The following TTC34 variants were observed in gnomAD, a reference collection of about 807,000 sequenced individuals.
TTC34 encodes tetratricopeptide repeat domain 34.
In TTC34, 44 loss-of-function variants were observed where a neutral mutation model predicts 40.7. The observed-to-expected ratio is 1.08, with a 90% CI of 0.85 to 1.39. TTC34 has a LOEUF of 1.39. Ranked by LOEUF, TTC34 falls within the 40% of genes most tolerant of loss-of-function variation. The pLI is 0.00. For missense variants in TTC34, 884 were observed against 838.0 expected (o/e 1.05, Z -0.68); for synonymous variants, 422 against 398.6 (o/e 1.06, Z -0.70).
chr1:2,683,636 C>A (rs1640183949), intron 6 of TTC34, among the ~76,000 whole-genome samples: 2 of 150,030 alleles, frequency 1.3e-5, no homozygotes, highest in Admixed American at 6.6e-5. Context: ...CCCACACCCC[C>A]AGGTGAGCAT....
intron 6 of TTC34, among the ~76,000 whole-genome samples, chr1:2,685,836 C>T (rs1570812213): frequency 7.4e-6 from 1 of 135,828 alleles, no homozygotes; most frequent in Admixed American, 7.6e-5. Flanking sequence ...ACGGCACCCC[C>T]ATGCCCAGGT....
intron 6 of TTC34, among the ~76,000 whole-genome samples, chr1:2,698,802 C>T (rs544509939): frequency 1.1e-4 from 17 of 148,870 alleles, no homozygotes; most frequent in Admixed American, 2.0e-4. Context: ...GGAGCAGCAC[C>T]CCACACCCAC....
At chr1:2,792,152 C>A (rs546441980) in intron 2 of TTC34, among the ~76,000 whole-genome samples, 1 of 151,534 alleles carries the variant, frequency 6.6e-6, no homozygotes, top group East Asian at 1.9e-4. Flanking sequence ...GCATGCACCA[C>A]CATACCCAGC....
At chr1:2,684,419 T>A (rs1640223443) in intron 6 of TTC34, among the ~76,000 whole-genome samples, 3 of 148,038 alleles carry the variant, frequency 2.0e-5, no homozygotes, top group Admixed American at 1.3e-4. Context: ...TCTGACAGAC[T>A]GGAACACCAC....
At chr1:2,753,519 C>A (rs1181242351) in intron 6 of TTC34, among the ~76,000 whole-genome samples, 1 of 85,712 alleles carries the variant, frequency 1.2e-5, no homozygotes, top group Non-Finnish European at 2.1e-5. Context: ...ATCGGACGGC[C>A]TGCAACAGCA....
chr1:2,644,388 T>C lies in TTC34; in HGVS notation c.2588A>G (p.Gln863Arg), dbSNP rs190456333. ...CCCTGGCACGTCTCCCTTCTTGAGC[T>C]GGAGCAGGCCCAGCCGGGCCCGGGC... Residue 863 changes from glutamine (Q) to arginine (R), a missense_variant, in exon 8 of 9, where the codon CAG becomes CGG. Transcript: ENST00000401095. 5.2e-6 allele frequency: 8 copies of C among 1,536,004 alleles called. No individual in the cohort carries two copies. The East Asian group carries it at 1.5e-4, about 28-fold the overall frequency.
intron 6 of TTC34, among the ~76,000 whole-genome samples, chr1:2,778,980 T>C (rs1389877579): frequency 6.6e-6 from 1 of 152,204 alleles, no homozygotes; most frequent in Non-Finnish European, 1.5e-5. Flanking sequence ...TGTGATTCGA[T>C]GACTCTAGGG....
chr1:2,687,605 A>AC (rs1640424066), intron 6 of TTC34, among the ~76,000 whole-genome samples: 1 of 112,810 alleles, frequency 8.9e-6, no homozygotes, highest in African/African-American at 4.5e-5. Flanking sequence ...CAGCACCCAC[A>AC]CCCCCAGGTG....
intron 6 of TTC34, among the ~76,000 whole-genome samples, chr1:2,657,360 A>T (rs867143138): frequency 1.2e-3 from 118 of 96,032 alleles, no homozygotes; most frequent in Middle Eastern, 6.0e-3. Flanking sequence ...AGCATCTGAC[A>T]ACTTGGAGCA....
intron 6 of TTC34, among the ~76,000 whole-genome samples, chr1:2,687,404 A>C (rs1640413507): frequency 6.7e-6 from 1 of 149,856 alleles, no homozygotes; most frequent in African/African-American, 2.5e-5. Context: ...CGGCACCCAC[A>C]CCCCCAGGTG....
chr1:2,651,953 G>T (rs1453707372), intron 6 of TTC34, among the ~76,000 whole-genome samples: 1 of 151,998 alleles, frequency 6.6e-6, no homozygotes, highest in African/African-American at 2.4e-5. Flanking sequence ...GCCTGAAGCA[G>T]CACCTTCCAC....
intron 6 of TTC34, among the ~76,000 whole-genome samples, chr1:2,767,865 C>A (rs540470272): frequency 2.7e-5 from 4 of 150,410 alleles, no homozygotes; most frequent in African/African-American, 7.3e-5. Context: ...GTGCATCTGA[C>A]AGCCTGAAAC....
At chr1:2,750,303 A>C (rs1641273243) in intron 6 of TTC34, among the ~76,000 whole-genome samples, 1 of 83,544 alleles carries the variant, frequency 1.2e-5, no homozygotes, top group South Asian at 4.5e-4. Context: ...AGCATCTGAC[A>C]GACTGGAACT....
chr1:2,695,116 CAAGATGAG>C (rs1640802375), intron 6 of TTC34, among the ~76,000 whole-genome samples: 3 of 90,954 alleles, frequency 3.3e-5, no homozygotes, highest in Non-Finnish European at 4.9e-5. Context: ...ACCCATACGC[CAAGATGAG>C]CATCTGACAG....
chr1:2,654,015 G>GGTGA (rs1639245563), intron 6 of TTC34, among the ~76,000 whole-genome samples: 1 of 151,374 alleles, frequency 6.6e-6, no homozygotes, highest in African/African-American at 2.4e-5. Flanking sequence ...CACACCCCCA[G>GGTGA]GCGAGCATCT....
intron 6 of TTC34, among the ~76,000 whole-genome samples, chr1:2,751,872 C>G (rs1324622785): frequency 8.4e-6 from 1 of 118,610 alleles, no homozygotes; most frequent in African/African-American, 3.8e-5. Flanking sequence ...ATCCGACAGC[C>G]TGGAGCAGCA....
chr1:2,756,918 C>A (rs1641525875), intron 6 of TTC34, among the ~76,000 whole-genome samples: 1 of 151,394 alleles, frequency 6.6e-6, no homozygotes, highest in African/African-American at 2.4e-5. Flanking sequence ...CACAGTTGAG[C>A]ATCTGACAGC....
chr1:2,781,085 T>G (rs1643475789), intron 6 of TTC34, among the ~76,000 whole-genome samples: 1 of 152,250 alleles, frequency 6.6e-6, no homozygotes, highest in Non-Finnish European at 1.5e-5. Context: ...ATGTGAATTT[T>G]TTTCAATAAA....
intron 6 of TTC34, among the ~76,000 whole-genome samples, chr1:2,688,007 C>A (rs1180939778): frequency 1.3e-4 from 16 of 121,388 alleles, no homozygotes; most frequent in African/African-American, 5.4e-4. Context: ...GGACCCACAC[C>A]CCCAGGCGAG....
Sources: allele counts gnomAD v4.1 joint callset (sites outside exome capture counted in the v4.1 genomes callset), GRCh38; gene constraint gnomAD v4.1.1; transcripts MANE v1.5; gene names NCBI Gene and HGNC (gene_info 2026-07-23, HGNC 2026-07-21).